The following ATP11A variants were observed in gnomAD, a reference collection of about 807,000 sequenced individuals.
ATP11A encodes phospholipid-transporting ATPase IH.
A neutral mutation model predicts 154.4 loss-of-function variants in ATP11A; 81 were observed. The observed-to-expected ratio is 0.52, with a 90% CI of 0.44 to 0.63. The LOEUF (loss-of-function observed/expected upper bound fraction) is 0.63, where lower values mean the gene tolerates loss of function less well. ATP11A is among the 30% of genes least tolerant of loss of function. ATP11A has a pLI of 0.00. For missense variants in ATP11A, 1,316 were observed against 1,474.3 expected, an observed-to-expected ratio of 0.89 and a Z score of 1.76; for synonymous variants, 623 against 585.9, an observed-to-expected ratio of 1.06 and a Z score of -0.91.
chr13:112,811,335 T>A (rs2078494638), intron 5 of ATP11A, among the ~76,000 whole-genome samples: 1 of 150,814 alleles, frequency 6.6e-6, no homozygotes, highest in Non-Finnish European at 1.5e-5. Flanking sequence ...AAAATTATTA[T>A]CACCACCCCC....
intron 1 of ATP11A, among the ~76,000 whole-genome samples, chr13:112,715,705 T>C (rs952979663): frequency 1.3e-5 from 2 of 151,002 alleles, no homozygotes; most frequent in African/African-American, 4.9e-5. Context: ...TTAATCTTCT[T>C]CCAAAGACAA....
chr13:112,878,579 G>T (rs950236569), intron 29 of ATP11A: 1 of 526,070 alleles, frequency 1.9e-6, no homozygotes, highest in South Asian at 2.3e-5. Context: ...AGACACAGCT[G>T]ACAGCGGAGA....
rs954766381 is a variant in ATP11A at position 112,807,751 on chromosome 13, G to A, written c.333+1458G>A. Among the ~76,000 whole-genome samples, 4 of 152,084 alleles carry A rather than the reference G, an allele frequency of 2.6e-5. No homozygotes were observed. The highest frequency in any genetic ancestry group is 4.4e-5 in the Non-Finnish European group (3 of 67,992). On this transcript the variant is annotated intron_variant, in intron 4 of 29. Transcript: ENST00000375645. This position sits in a 1 kb window ranked among gnomAD's most constrained non-coding sequence, Gnocchi z 4.5. ...CCCATCGTGGAGATTAGGTGAGGGC[G>A]TCCCGTGCTATCTGTGATACATCTG...
At chr13:112,744,069 G>A (rs1891841163) in intron 1 of ATP11A, among the ~76,000 whole-genome samples, 1 of 152,260 alleles carries the variant, frequency 6.6e-6, no homozygotes, top group Admixed American at 6.5e-5. Flanking sequence ...TCCAGCTGCG[G>A]TGAGTGGGCC....
chr13:112,820,680 T>C (rs942111458), intron 8 of ATP11A, among the ~76,000 whole-genome samples: 4 of 152,270 alleles, frequency 2.6e-5, no homozygotes, highest in African/African-American at 9.6e-5. Flanking sequence ...CTAGCATTTG[T>C]TGCTGACGAG....
intron 1 of ATP11A, among the ~76,000 whole-genome samples, chr13:112,771,322 C>T (rs916662696): frequency 6.6e-6 from 1 of 152,180 alleles, no homozygotes; most frequent in Non-Finnish European, 1.5e-5. Context: ...GGAGGCAAGG[C>T]GTGCGCCAGG....
chr13:112,838,395 G>A lies in ATP11A; in HGVS notation c.1705+2144G>A, dbSNP rs540774563. ...GGGGCTGACTCACGTGGTTTTCCCC[G>A]TAGCAGTCGAATCTAGCTGTTGAGC... On this transcript the variant is annotated intron_variant, in intron 16 of 29. Transcript: ENST00000375645. This position sits in a 1 kb window ranked among gnomAD's most constrained non-coding sequence, Gnocchi z 7.3. 1.6e-4 allele frequency among the ~76,000 whole-genome samples: 25 copies of A among 152,284 alleles called. No individual in the cohort carries two copies. The South Asian group carries it at 2.5e-3, about 15-fold the overall frequency.
intron 25 of ATP11A, among the ~76,000 whole-genome samples, chr13:112,869,120 C>T (rs1415280333): frequency 6.6e-6 from 1 of 152,208 alleles, no homozygotes; most frequent in Non-Finnish European, 1.5e-5. Context: ...TGGCAGTTCA[C>T]CTGGGGGCCC....
intron 6 of ATP11A, among the ~76,000 whole-genome samples, chr13:112,817,950 CACTTCTCTG>C (rs2078688353): frequency 6.6e-6 from 1 of 152,244 alleles, no homozygotes; most frequent in Non-Finnish European, 1.5e-5. Context: ...CAGGCCTGTT[CACTTCTCTG>C]GACTCTTCAC....
At position 112,768,909 on chromosome 13, in the gene ATP11A, T is replaced by A. The variant is rs568005627; in HGVS notation, c.40-16226T>A. 3.1e-4 allele frequency among the ~76,000 whole-genome samples: 47 copies of A among 152,328 alleles called. No homozygotes were observed. The South Asian group carries it at 9.3e-3, about 30-fold the overall frequency. On this transcript the variant is annotated intron_variant, in intron 1 of 29. Transcript: ENST00000375645. The stretch of plus-strand genomic sequence containing the variant: ...CTGCTCATTCTCATGCTGGGCCTGT[T>A]TTCCGATTCCTGGTGCTCTCTTGTC...
intron 19 of ATP11A, among the ~76,000 whole-genome samples, chr13:112,855,253 C>T (rs1279169009): frequency 6.6e-6 from 1 of 152,158 alleles, no homozygotes; most frequent in African/African-American, 2.4e-5. Context: ...GTCGCCCAGG[C>T]TGGAGTGCAG....
intron 1 of ATP11A, among the ~76,000 whole-genome samples, chr13:112,778,786 G>A (rs1425527499): frequency 8.9e-6 from 1 of 112,906 alleles, no homozygotes; most frequent in Non-Finnish European, 1.8e-5. Flanking sequence ...AGCCGCTGGA[G>A]TGAGGAGTAG....
intron 1 of ATP11A, among the ~76,000 whole-genome samples, chr13:112,708,725 C>G (rs1331346528): frequency 6.6e-6 from 1 of 152,208 alleles, no homozygotes; most frequent in Non-Finnish European, 1.5e-5. Context: ...ACTGTGGGCC[C>G]CACGTGGGCT....
chr13:112,785,032 A>G lies in ATP11A; in HGVS notation c.40-103A>G, dbSNP rs111445881. Reference sequence around the variant, plus strand: ...CTGAACGATGCTCTCAGCAGCAGGTACAGGTCTCCGTTCCGACGAACGTGC... The same window carrying G: ...CTGAACGATGCTCTCAGCAGCAGGTGCAGGTCTCCGTTCCGACGAACGTGC... On this transcript the variant is annotated intron_variant, in intron 1 of 29. Coordinates refer to ENST00000375645, the MANE Select transcript of ATP11A (RefSeq NM_015205.3). The surrounding 1 kb of genome is among the most constrained non-coding windows in gnomAD (Gnocchi z 4.8). 7.6e-7 allele frequency: 1 copy of G among 1,312,476 alleles called. No individual in the cohort carries two copies. Among genetic ancestry groups the G allele is most frequent in the South Asian group, 2.1e-5 (1 of 47,400 alleles). 81.3% of individuals were successfully genotyped at this position (1,312,476 alleles called of 1,614,324 possible). A position where few individuals can be genotyped will look rare whatever the true frequency, so the allele number is the denominator to read the frequency against.
At chr13:112,756,070 A>C (rs537473792) in intron 1 of ATP11A, among the ~76,000 whole-genome samples, 7 of 152,392 alleles carry the variant, frequency 4.6e-5, no homozygotes, top group African/African-American at 1.7e-4. Context: ...AGATTCTAGA[A>C]TCATTTCCAG....
At position 112,768,362 on chromosome 13, in the gene ATP11A, G is replaced by A. The variant is rs367774945; in HGVS notation, c.40-16773G>A. ...GGCAACCTCAGCCTCTCCAGCGGAC[G>A]CTGCACCATCCCTATGGTGGAGTCT... On this transcript the variant is annotated intron_variant, in intron 1 of 29. Transcript: ENST00000375645. Among the ~76,000 whole-genome samples the A allele has an allele frequency of 2.7e-4, 41 of 152,336 alleles. No individual in the cohort carries two copies. In the East Asian group the frequency reaches 7.5e-3, roughly 28 times the overall value.
chr13:112,881,472 G>A (rs780723910), intron 29 of ATP11A: 78 of 1,096,002 alleles, frequency 7.1e-5, no homozygotes, highest in Non-Finnish European at 8.5e-5. Context: ...CACTGCACAG[G>A]AAGCCAGCTA....
At chr13:112,810,966 A>G (rs1480132220) in intron 5 of ATP11A, among the ~76,000 whole-genome samples, 2 of 152,194 alleles carry the variant, frequency 1.3e-5, no homozygotes, top group Admixed American at 1.3e-4. Context: ...TTTAAAATAC[A>G]AATAATAAAT....
intron 2 of ATP11A, among the ~76,000 whole-genome samples, chr13:112,793,189 C>T (rs973796461): frequency 7.2e-5 from 11 of 152,192 alleles, no homozygotes; most frequent in Middle Eastern, 3.4e-3. Flanking sequence ...GACTTCCTTC[C>T]GCAGAGCCAG....
Sources: gnomAD v4.1 joint callset for allele counts (sites outside exome capture counted in the v4.1 genomes callset) on GRCh38, gnomAD v4.1.1 for gene constraint, Gnocchi (gnomAD v3.1) non-coding constraint, MANE v1.5 for transcripts, NCBI Gene and HGNC (gene_info 2026-07-23, HGNC 2026-07-21) for gene names.